Variants in CADPS observed in about 807,000 individuals in gnomAD.
CADPS encodes the protein calcium-dependent secretion activator 1.
CADPS carries 57 observed loss-of-function variants against 167.3 expected under a neutral mutation model. That is an observed-to-expected ratio of 0.34 (90% CI 0.28 to 0.42). CADPS has a LOEUF of 0.42. Among genes scored for constraint, CADPS ranks in the 20% least tolerant of loss-of-function variants. The pLI, the probability that CADPS is intolerant of heterozygous loss-of-function variation, is 1.00. For synonymous variants in CADPS, 676 were observed against 635.3 expected, an observed-to-expected ratio of 1.06 and a Z score of -0.96; for missense variants, 1,414 against 1,738.1, an observed-to-expected ratio of 0.81 and a Z score of 3.32.
chr3:62,405,462 A>T (rs201412208), intron 28 of CADPS, among the ~76,000 whole-genome samples: 155 of 150,032 alleles, frequency 1.0e-3, no homozygotes, highest in Middle Eastern at 6.8e-3. Flanking sequence ...AAAAAAAAAA[A>T]AATAAAATAA....
chr3:62,545,095 C>A (rs2076249854), intron 11 of CADPS, among the ~76,000 whole-genome samples: 1 of 152,142 alleles, frequency 6.6e-6, no homozygotes, highest in South Asian at 2.1e-4. Flanking sequence ...AAAAATAGAA[C>A]AGTTCTCAAA....
rs183441229 is a variant in CADPS, at chr3:62,490,614, G to A, written c.3026+725C>T. 3.3e-5 allele frequency among the ~76,000 whole-genome samples: 5 copies of A among 152,262 alleles called. No individual in the cohort carries two copies. In the East Asian group the frequency reaches 9.6e-4, roughly 29 times the overall value. ...CCATAATTTATCCTGCAGGGTATAT[G>A]TCCCATTTTAAAAAAAGCACACGGT... On this transcript the variant is annotated intron_variant, in intron 21 of 29. Coordinates refer to ENST00000383710, the MANE Select transcript of CADPS (RefSeq NM_003716.4).
intron 1 of CADPS, among the ~76,000 whole-genome samples, chr3:62,770,788 A>T (rs1021473358): frequency 1.3e-5 from 2 of 152,152 alleles, no homozygotes; most frequent in Non-Finnish European, 2.9e-5. Flanking sequence ...CAAGATAAAC[A>T]ACATTACCCA....
At position 62,874,955 on chromosome 3, in the gene CADPS, G is replaced by A. The variant is rs745876740; in HGVS notation, c.75C>T (p.Gly25=). 5.7e-6 allele frequency: 9 copies of A among 1,575,828 alleles called. No homozygotes were observed. Among genetic ancestry groups the A allele is most frequent in the South Asian group, 5.6e-5 (5 of 88,906 alleles). The part of the protein sequence containing the change: ...VEEESGKEVL[G]SAPSGARLSP... ...ACAGGCGCGCGCCGGACGGGGCCGA[G>A]CCGAGCACCTCCTTGCCGCTCTCCT... Residue 25 remains glycine (G), a synonymous_variant, in exon 1 of 30, where the codon GGC becomes GGT. Transcript: ENST00000383710. The surrounding 1 kb of genome is among the most constrained non-coding windows in gnomAD (Gnocchi z 7.1).
chr3:62,441,666 A>G (rs918677304), intron 27 of CADPS, among the ~76,000 whole-genome samples: 3 of 152,228 alleles, frequency 2.0e-5, no homozygotes, highest in Admixed American at 1.3e-4. Flanking sequence ...ACAGGGAAAC[A>G]CAGGTGATCT....
intron 7 of CADPS, among the ~76,000 whole-genome samples, chr3:62,589,745 A>C (rs937205182): frequency 6.6e-6 from 1 of 152,276 alleles, no homozygotes; most frequent in African/African-American, 2.4e-5. Flanking sequence ...CCCGCTTTCC[A>C]TGGGAGCAAG....
chr3:62,758,070 C>T (rs1210716840), intron 2 of CADPS, among the ~76,000 whole-genome samples: 8 of 152,182 alleles, frequency 5.3e-5, no homozygotes, highest in Admixed American at 5.2e-4. Flanking sequence ...CAGGTGAACC[C>T]TGAATCCTGG....
In CADPS at chr3:62,555,738, T is replaced by G. The variant is rs553680140; in HGVS notation, c.1753+1667A>C. Among the ~76,000 whole-genome samples the G allele has an allele frequency of 6.6e-5, 10 of 152,334 alleles. 1 individual carries two copies. Among genetic ancestry groups the G allele is most frequent in the Middle Eastern group, 3.4e-3 (1 of 294 alleles). The stretch of plus-strand genomic sequence containing the variant: ...CCATTTTATGTTTAAAAATTTATTA[T>G]TCTTTACAATTCTATTTTTTGAGTT... On this transcript the variant is annotated intron_variant, in intron 10 of 29. Transcript: ENST00000383710.
chr3:62,823,480 T>G (rs1437901881), intron 1 of CADPS, among the ~76,000 whole-genome samples: 1 of 152,188 alleles, frequency 6.6e-6, no homozygotes, highest in Non-Finnish European at 1.5e-5. Context: ...GTACGATTTT[T>G]AAATGAGTTT....
intron 29 of CADPS, among the ~76,000 whole-genome samples, chr3:62,400,400 G>A (rs13095889): frequency 0.21 from 31,201 of 151,834 alleles, 3,702 homozygotes; most frequent in Non-Finnish European, 0.27. Context: ...AGAAGCATCT[G>A]GCTGTTGTCT....
rs147620218 is a variant in CADPS at position 62,478,816 on chromosome 3, G to A, written c.3174-400C>T. 6.6e-6 allele frequency among the ~76,000 whole-genome samples: 1 copy of A among 152,254 alleles called. No homozygotes were observed. Among genetic ancestry groups the A allele is most frequent in the Admixed American group, 6.5e-5 (1 of 15,294 alleles). ...GCAACATGCAGTTATTAAACTTCAG[G>A]GTTTCATGCATTTCCCCAGCTCCCC... On this transcript the variant is annotated intron_variant, in intron 22 of 29. Transcript: ENST00000383710. This position sits in a 1 kb window ranked among gnomAD's most constrained non-coding sequence, Gnocchi z 5.7.
intron 1 of CADPS, among the ~76,000 whole-genome samples, chr3:62,772,262 C>A (rs966209649): frequency 6.6e-6 from 1 of 152,002 alleles, no homozygotes; most frequent in African/African-American, 2.4e-5. Flanking sequence ...GTATTCCTTA[C>A]CTCATTCTTT....
chr3:62,675,040 T>A (rs1348182215), intron 3 of CADPS, among the ~76,000 whole-genome samples: 1 of 152,192 alleles, frequency 6.6e-6, no homozygotes, highest in Non-Finnish European at 1.5e-5. Context: ...AATAACCATT[T>A]ATTTCTTGCT....
At chr3:62,865,718 T>C (rs2081568018) in intron 1 of CADPS, among the ~76,000 whole-genome samples, 1 of 152,154 alleles carries the variant, frequency 6.6e-6, no homozygotes, top group Admixed American at 6.6e-5. Flanking sequence ...TACTTTTTAT[T>C]GATGTTTTCT....
chr3:62,575,093 T>G (rs1413219054), intron 8 of CADPS, among the ~76,000 whole-genome samples: 2 of 152,202 alleles, frequency 1.3e-5, no homozygotes, highest in Admixed American at 1.3e-4. Flanking sequence ...ACTAACCATT[T>G]CCCTTTACTT....
At chr3:62,532,535 T>A (rs991433668) in intron 13 of CADPS, among the ~76,000 whole-genome samples, 1 of 152,158 alleles carries the variant, frequency 6.6e-6, no homozygotes, top group Non-Finnish European at 1.5e-5. Flanking sequence ...GGGTATACAA[T>A]CATCCCATTT....
chr3:62,788,274 C>T (rs186236), intron 1 of CADPS, among the ~76,000 whole-genome samples: 3 of 152,016 alleles, frequency 2.0e-5, no homozygotes, highest in Non-Finnish European at 2.9e-5. Context: ...GCAGGACATA[C>T]GCCAAGTACT....
intron 2 of CADPS, among the ~76,000 whole-genome samples, chr3:62,755,464 T>A (rs1043088376): frequency 3.9e-5 from 6 of 152,178 alleles, no homozygotes; most frequent in African/African-American, 1.4e-4. Flanking sequence ...AGAAGGTGCA[T>A]AAATATCCTT....
At chr3:62,499,051 G>C in intron 18 of CADPS, 111 bp downstream of exon 18, 3 of 610,546 alleles carry the variant, frequency 4.9e-6, no homozygotes, top group Non-Finnish European at 2.9e-6. Flanking sequence ...TGCAATCCCA[G>C]TTAAAAGAAA....
Sources: allele counts gnomAD v4.1 joint callset (sites outside exome capture counted in the v4.1 genomes callset), GRCh38; gene constraint gnomAD v4.1.1; non-coding constraint Gnocchi (gnomAD v3.1); transcripts MANE v1.5; gene names NCBI Gene and HGNC (gene_info 2026-07-23, HGNC 2026-07-21).